DENND1A: variants seen among roughly 807,000 people sequenced by gnomAD.
DENND1A encodes DENN domain containing 1A.
DENND1A carries 51 observed loss-of-function variants against 113.7 expected under a neutral mutation model. The ratio of observed to expected loss-of-function variants is 0.45; its 90% CI spans 0.36 to 0.57. The LOEUF is 0.57. Ranked by LOEUF, DENND1A falls within the 20% of genes least tolerant of loss-of-function variation. The probability of loss-of-function intolerance (pLI) is 0.00; values close to 1 mark genes in which losing one functional copy is unlikely to be tolerated. For missense variants in DENND1A, 1,258 were observed against 1,395.9 expected (o/e 0.90, Z 1.57); for synonymous variants, 565 against 570.8 (o/e 0.99, Z 0.14).
chr9:123,620,501 G>C (rs1238454568), intron 10 of DENND1A, among the ~76,000 whole-genome samples: 1 of 152,118 alleles, frequency 6.6e-6, no homozygotes, highest in East Asian at 1.9e-4. Flanking sequence ...CTCACTCAAA[G>C]TCACATCTTT....
intron 18 of DENND1A, among the ~76,000 whole-genome samples, chr9:123,449,794 G>A (rs190080422): frequency 2.0e-5 from 3 of 152,256 alleles, no homozygotes; most frequent in African/African-American, 7.2e-5. Flanking sequence ...ACCAAGCTAT[G>A]AGGATGCAAA....
chr9:123,793,580 C>T lies in DENND1A; in HGVS notation c.89-950G>A, dbSNP rs79476365. Among the ~76,000 whole-genome samples the T allele has an allele frequency of 2.8e-3, 419 of 152,224 alleles. 1 individual carries two copies. The highest frequency in any genetic ancestry group is 9.7e-3 in the African/African-American group (403 of 41,544). ...GAAAATCATAGATTTGAGGGTCTCCCGTCTAACAGTGGTCACAATATATGC... is the reference window on the plus strand; with the variant it reads ...GAAAATCATAGATTTGAGGGTCTCCTGTCTAACAGTGGTCACAATATATGC... On this transcript the variant is annotated intron_variant, in intron 2 of 23. Transcript: ENST00000394215.
intron 13 of DENND1A, among the ~76,000 whole-genome samples, chr9:123,544,327 T>C (rs1483080410): frequency 6.6e-6 from 1 of 152,240 alleles, no homozygotes; most frequent in Non-Finnish European, 1.5e-5. Context: ...AGGAATGTTT[T>C]AAAAAAGATA....
chr9:123,608,735 G>C (rs148726136), intron 11 of DENND1A, among the ~76,000 whole-genome samples: 2 of 152,188 alleles, frequency 1.3e-5, no homozygotes, highest in East Asian at 3.8e-4. Flanking sequence ...GATGTTCACT[G>C]AAATGCTATT....
At chr9:123,617,173 T>C (rs2060691983) in intron 10 of DENND1A, among the ~76,000 whole-genome samples, 1 of 152,230 alleles carries the variant, frequency 6.6e-6, no homozygotes, top group Admixed American at 6.5e-5. Context: ...ATTTAATGTC[T>C]TTCCTGGTTT....
intron 13 of DENND1A, among the ~76,000 whole-genome samples, chr9:123,526,676 C>T (rs1032601715): frequency 1.3e-5 from 2 of 152,178 alleles, no homozygotes; most frequent in Non-Finnish European, 2.9e-5. Context: ...TCTTTGGTGG[C>T]CCTAGACATT....
At chr9:123,470,547 C>T (rs2133348793) in intron 13 of DENND1A, among the ~76,000 whole-genome samples, 1 of 152,216 alleles carries the variant, frequency 6.6e-6, no homozygotes, top group African/African-American at 2.4e-5. Flanking sequence ...CCTGATAGGC[C>T]CCTAGAGCAA....
chr9:123,406,385 G>C (rs1048554711), intron 20 of DENND1A, among the ~76,000 whole-genome samples: 5 of 152,248 alleles, frequency 3.3e-5, no homozygotes, highest in Non-Finnish European at 5.9e-5. Flanking sequence ...CTCAATAAAT[G>C]CTCATCCTGC....
chr9:123,395,468 C>CTCTCTCTGTGTGTGTGTTTG (rs367751848), intron 21 of DENND1A, among the ~76,000 whole-genome samples: 3 of 142,890 alleles, frequency 2.1e-5, no homozygotes, highest in Non-Finnish European at 3.0e-5. Flanking sequence ...CTCTCTCTCT[C>CTCTCTCTGTGTGTGTGTTTG]TGTGTGTGTG....
At chr9:123,499,122 C>T (rs1209747067) in intron 13 of DENND1A, among the ~76,000 whole-genome samples, 2 of 151,594 alleles carry the variant, frequency 1.3e-5, no homozygotes, top group Non-Finnish European at 2.9e-5. Context: ...CAAGCTCCAC[C>T]TCCCAGGTTC....
chr9:123,421,466 C>T (rs1214908114), intron 19 of DENND1A, among the ~76,000 whole-genome samples: 1 of 152,130 alleles, frequency 6.6e-6, no homozygotes, highest in Non-Finnish European at 1.5e-5. Flanking sequence ...GTCCGCTCCT[C>T]TCTCTCCCCA....
At chr9:123,494,404 G>T (rs910085685) in intron 13 of DENND1A, among the ~76,000 whole-genome samples, 1 of 152,122 alleles carries the variant, frequency 6.6e-6, no homozygotes, top group African/African-American at 2.4e-5. Flanking sequence ...CATGGTGGGG[G>T]TACGTCAGTT....
chr9:123,506,322 G>A (rs1295991913), intron 13 of DENND1A, among the ~76,000 whole-genome samples: 3 of 152,108 alleles, frequency 2.0e-5, no homozygotes, highest in African/African-American at 7.2e-5. Flanking sequence ...AGTGGCTCAC[G>A]CCTGTAATCC....
intron 13 of DENND1A, among the ~76,000 whole-genome samples, chr9:123,526,398 G>A (rs1007970439): frequency 2.6e-5 from 4 of 152,090 alleles, no homozygotes; most frequent in African/African-American, 9.7e-5. Flanking sequence ...TATCTCCCCA[G>A]GTGCTCTCTC....
At chr9:123,677,688 C>A (rs2064172717) in intron 5 of DENND1A, among the ~76,000 whole-genome samples, 1 of 152,208 alleles carries the variant, frequency 6.6e-6, no homozygotes, top group African/African-American at 2.4e-5. Context: ...CCTGCCTCGG[C>A]CTCCCAAACT....
At chr9:123,839,570 G>A (rs1370931197) in intron 2 of DENND1A, among the ~76,000 whole-genome samples, 2 of 152,092 alleles carry the variant, frequency 1.3e-5, no homozygotes, top group African/African-American at 4.8e-5. Context: ...AATTGTTAAG[G>A]AAATAAACAG....
intron 23 of DENND1A, 100 bp downstream of exon 23, chr9:123,383,555 C>G (rs769859697): frequency 2.2e-4 from 328 of 1,511,602 alleles, no homozygotes; most frequent in Non-Finnish European, 2.4e-4. Flanking sequence ...TGGAAAGTCA[C>G]TGTTTCTCCC....
intron 13 of DENND1A, among the ~76,000 whole-genome samples, chr9:123,534,404 C>A (rs999799096): frequency 1.3e-5 from 2 of 152,302 alleles, no homozygotes; most frequent in Admixed American, 6.5e-5. Flanking sequence ...GTTTTCATGG[C>A]TGTATAATAT....
chr9:123,624,936 T>A (rs1364354501), intron 10 of DENND1A, among the ~76,000 whole-genome samples: 2 of 152,158 alleles, frequency 1.3e-5, no homozygotes, highest in Non-Finnish European at 2.9e-5. Context: ...TTTGTGAAAA[T>A]AAAGCTTTTA....
Sources: gnomAD v4.1 joint callset for allele counts (sites outside exome capture counted in the v4.1 genomes callset) on GRCh38, gnomAD v4.1.1 for gene constraint, MANE v1.5 for transcripts, NCBI Gene and HGNC (gene_info 2026-07-23, HGNC 2026-07-21) for gene names.